The following LURAP1L variants were observed in gnomAD, a reference collection of about 807,000 sequenced individuals.
The protein encoded by LURAP1L is leucine rich adaptor protein 1-like.
A neutral mutation model predicts 13.8 loss-of-function variants in LURAP1L; 12 were observed. That is an observed-to-expected ratio of 0.87 (90% CI 0.56 to 1.41). The LOEUF is 1.41. Ranked by LOEUF, LURAP1L falls within the 40% of genes most tolerant of loss-of-function variation. The probability of loss-of-function intolerance (pLI) is 0.00; values close to 1 mark genes in which losing one functional copy is unlikely to be tolerated. For missense variants in LURAP1L, 375 were observed against 292.9 expected (o/e 1.28, Z -2.04); for synonymous variants, 139 against 119.2 (o/e 1.17, Z -1.08).
intron 1 of LURAP1L, among the ~76,000 whole-genome samples, chr9:12,782,323 T>C (rs1487449304): frequency 6.6e-6 from 1 of 152,246 alleles, no homozygotes; most frequent in Non-Finnish European, 1.5e-5. Flanking sequence ...CCTCAAGAAG[T>C]CCTTGTCCAG....
Position 12,775,654 on chromosome 9 carries a change from G to A in LURAP1L, c.-62G>A. 3 of 1,518,128 alleles carry A rather than the reference G, an allele frequency of 2.0e-6. No homozygotes were observed. Among genetic ancestry groups the A allele is most frequent in the Non-Finnish European group, 2.6e-6 (3 of 1,136,768 alleles). 94.0% of individuals were successfully genotyped at this position (1,518,128 alleles called of 1,614,324 possible). A position where few individuals can be genotyped will look rare whatever the true frequency, so the allele number is the denominator to read the frequency against. On this transcript the variant is annotated 5_prime_UTR_variant, in exon 1 of 2. Transcript: ENST00000319264. Reference sequence around the variant, plus strand: ...GTCTGCTGATTTCGCAGCAGCCTTCGAAGCCGTGGCTGCCTTTCATCTGCT... The same window carrying A: ...GTCTGCTGATTTCGCAGCAGCCTTCAAAGCCGTGGCTGCCTTTCATCTGCT...
At chr9:12,806,070 G>T (rs1462221710) in intron 1 of LURAP1L, among the ~76,000 whole-genome samples, 2 of 152,206 alleles carry the variant, frequency 1.3e-5, no homozygotes, top group Admixed American at 6.5e-5. Context: ...TGCTTAACTA[G>T]CTCTAGCAGG....
At chr9:12,784,585 G>A (rs969099089) in intron 1 of LURAP1L, among the ~76,000 whole-genome samples, 2 of 152,134 alleles carry the variant, frequency 1.3e-5, no homozygotes, top group African/African-American at 2.4e-5. Flanking sequence ...ATTGGAGGAG[G>A]GGTGACACGA....
chr9:12,796,168 A>G (rs927815984), intron 1 of LURAP1L, among the ~76,000 whole-genome samples: 1 of 152,058 alleles, frequency 6.6e-6, no homozygotes, highest in Non-Finnish European at 1.5e-5. Flanking sequence ...TTTCCCATTT[A>G]TATAATTCTG....
At position 12,777,319 on chromosome 9, in the gene LURAP1L, C is replaced by G. The variant is rs948471429; in HGVS notation, c.312+1292C>G. The G allele has an allele frequency of 3.0e-6, 3 of 985,378 alleles. No homozygotes were observed. The African/African-American group carries it at 5.2e-5, about 17-fold the overall frequency. The allele number at this position is 985,378 out of a possible 1,614,324, so 61.0% of individuals were successfully genotyped here. A position where few individuals can be genotyped will look rare whatever the true frequency, so the allele number is the denominator to read the frequency against. On this transcript the variant is annotated intron_variant, in intron 1 of 1. Coordinates refer to ENST00000319264, the MANE Select transcript of LURAP1L (RefSeq NM_203403.2). ...TAAAATGGAAAAGATGACAAACCAACAGGTCAGGGGATGCCTGATACCGTA... is the reference window on the plus strand; with the variant it reads ...TAAAATGGAAAAGATGACAAACCAAGAGGTCAGGGGATGCCTGATACCGTA...
intron 1 of LURAP1L, 58 bp downstream of exon 1, chr9:12,776,085 C>T (rs894176643): frequency 2.1e-4 from 321 of 1,525,334 alleles, no homozygotes; most frequent in Non-Finnish European, 2.8e-4. Context: ...AAAGATGGGG[C>T]GATCTGAGAA....
chr9:12,808,945 T>C (rs1039504920), intron 1 of LURAP1L, among the ~76,000 whole-genome samples: 11 of 152,220 alleles, frequency 7.2e-5, no homozygotes, highest in Non-Finnish European at 5.9e-5. Flanking sequence ...CCCATGGTTC[T>C]GCAGGCTGTA....
chr9:12,795,693 T>G (rs1017495804), intron 1 of LURAP1L, among the ~76,000 whole-genome samples: 1 of 152,016 alleles, frequency 6.6e-6, no homozygotes, highest in African/African-American at 2.4e-5. Context: ...CCACTTGTAG[T>G]TGTTATGTTA....
Position 12,822,981 on chromosome 9 carries a change from T to A in LURAP1L, c.*1221T>A, listed in dbSNP as rs764639631. Among the ~76,000 whole-genome samples the A allele has an allele frequency of 5.3e-4, 80 of 152,326 alleles. No individual in the cohort carries two copies. Among genetic ancestry groups the A allele is most frequent in the Non-Finnish European group, 8.4e-4 (57 of 68,032 alleles). Reference sequence around the variant, plus strand: ...CAAATTTCCTTTGTTATTATATATTTACTACACATGTTGAATTTATTATTG... The same window carrying A: ...CAAATTTCCTTTGTTATTATATATTAACTACACATGTTGAATTTATTATTG... On this transcript the variant is annotated 3_prime_UTR_variant, in exon 2 of 2. Transcript: ENST00000319264.
intron 1 of LURAP1L, among the ~76,000 whole-genome samples, chr9:12,814,534 A>G (rs1048254137): frequency 3.9e-5 from 6 of 152,194 alleles, no homozygotes; most frequent in African/African-American, 1.4e-4. Flanking sequence ...CTAAGTATCA[A>G]TTGGACCTAG....
At position 12,798,894 on chromosome 9, in the gene LURAP1L, C is replaced by G. The variant is rs116135307; in HGVS notation, c.313-22492C>G. 2.8e-3 allele frequency among the ~76,000 whole-genome samples: 419 copies of G among 152,244 alleles called. 3 individuals are homozygous for G. The highest frequency in any genetic ancestry group is 9.5e-3 in the African/African-American group (395 of 41,552). On this transcript the variant is annotated intron_variant, in intron 1 of 1. Coordinates refer to ENST00000319264, the MANE Select transcript of LURAP1L (RefSeq NM_203403.2). ...TTTTACACCCAAGTGACTACAATAT[C>G]CAATATAATAGGGTAGAATCATTCA...
At chr9:12,783,318 T>C (rs1280053230) in intron 1 of LURAP1L, among the ~76,000 whole-genome samples, 1 of 152,190 alleles carries the variant, frequency 6.6e-6, no homozygotes, top group Non-Finnish European at 1.5e-5. Flanking sequence ...TTTTCCCTCT[T>C]TCAGTATGAT....
chr9:12,820,505 C>A lies in LURAP1L; in HGVS notation c.313-881C>A, dbSNP rs868225639. ...ACGACAGATCGAGACTCCGTCCCCC[C>A]CCCCCCCCCAAAAAAAAAAAAGGAC... On this transcript the variant is annotated intron_variant, in intron 1 of 1. Transcript: ENST00000319264. 4.1e-3 allele frequency among the ~76,000 whole-genome samples: 276 copies of A among 67,094 alleles called. 6 individuals are homozygous for A. The highest frequency in any genetic ancestry group is 6.8e-3 in the Non-Finnish European group (157 of 23,092). The allele number at this position is 67,094 out of a possible 152,430, so 44.0% of individuals were successfully genotyped here.
At chr9:12,821,125 G>T (rs1014471111) in intron 1 of LURAP1L, among the ~76,000 whole-genome samples, 7 of 152,128 alleles carry the variant, frequency 4.6e-5, no homozygotes, top group Admixed American at 4.6e-4. Flanking sequence ...ATATGTTCAG[G>T]CCACTTGGTT....
At chr9:12,794,516 T>C (rs112805706) in intron 1 of LURAP1L, among the ~76,000 whole-genome samples, 3,075 of 152,176 alleles carry the variant, frequency 0.02, 108 homozygotes, top group African/African-American at 0.071. Flanking sequence ...ATGAGTTAAG[T>C]ATATGCTGAG....
intron 1 of LURAP1L, among the ~76,000 whole-genome samples, chr9:12,788,310 G>C (rs539107639): frequency 1.4e-4 from 21 of 152,132 alleles, no homozygotes; most frequent in Non-Finnish European, 2.6e-4. Flanking sequence ...GCCTTGCCTT[G>C]GCAAGGATGG....
At chr9:12,812,120 C>T (rs898579498) in intron 1 of LURAP1L, among the ~76,000 whole-genome samples, 31 of 152,154 alleles carry the variant, frequency 2.0e-4, no homozygotes, top group African/African-American at 7.5e-4. Context: ...GTAACCTTTT[C>T]TCAGAAATGA....
Position 12,775,468 on chromosome 9 carries a change from G to C in LURAP1L, c.-248G>C, listed in dbSNP as rs966426517. ...TGGCCAAAAAGAGAGAGAATGAGGAGATCTTGATCATCTTAGTGTCGGAGG... is the reference window on the plus strand; with the variant it reads ...TGGCCAAAAAGAGAGAGAATGAGGACATCTTGATCATCTTAGTGTCGGAGG... On this transcript the variant is annotated 5_prime_UTR_variant, in exon 1 of 2. Transcript: ENST00000319264. 14 of 474,710 alleles carry C rather than the reference G, an allele frequency of 2.9e-5. No individual in the cohort carries two copies. The highest frequency in any genetic ancestry group is 4.7e-5 in the Non-Finnish European group (13 of 278,998). The allele number at this position is 474,710 out of a possible 1,614,324, so 29.4% of individuals were successfully genotyped here.
At chr9:12,784,957 T>C (rs1013234534) in intron 1 of LURAP1L, among the ~76,000 whole-genome samples, 2 of 151,818 alleles carry the variant, frequency 1.3e-5, no homozygotes, top group African/African-American at 4.8e-5. Flanking sequence ...TCTCCTCTCT[T>C]ATTTCCTCAA....
Sources: gnomAD v4.1 joint callset for allele counts (sites outside exome capture counted in the v4.1 genomes callset) on GRCh38, gnomAD v4.1.1 for gene constraint, MANE v1.5 for transcripts, NCBI Gene and HGNC (gene_info 2026-07-23, HGNC 2026-07-21) for gene names.